Variants in HAUS6 observed in about 807,000 individuals in gnomAD.
HAUS6 encodes HAUS augmin like complex subunit 6.
A neutral mutation model predicts 106.8 loss-of-function variants in HAUS6; 80 were observed. The observed-to-expected ratio is 0.75, with a 90% CI of 0.63 to 0.90. The LOEUF is 0.90. Among genes scored for constraint, HAUS6 ranks in the 40% least tolerant of loss-of-function variants. HAUS6 has a pLI of 0.00. For synonymous variants in HAUS6, 356 were observed against 379.1 expected (o/e 0.94, Z 0.71); for missense variants, 1,155 against 1,118.1 (o/e 1.03, Z -0.47).
Position 19,102,669 on chromosome 9 carries a change from T to C in HAUS6, c.-18A>G, listed in dbSNP as rs1395907471. 12 of 1,607,070 alleles carry C rather than the reference T, an allele frequency of 7.5e-6. No homozygotes were observed. The highest frequency in any genetic ancestry group is 8.5e-6 in the Non-Finnish European group (10 of 1,176,684). ...GAGCTCATCCTCGCGGTAGGCACGG[T>C]GGCTGCAAAGAAAGAAAGCGCAAGC... is the stretch of plus-strand genomic sequence containing the variant. On this transcript the variant is annotated 5_prime_UTR_variant, in exon 1 of 17. Coordinates refer to ENST00000380502, the MANE Select transcript of HAUS6 (RefSeq NM_017645.5).
intron 5 of HAUS6, among the ~76,000 whole-genome samples, 181 bp downstream of exon 5, chr9:19,089,231 A>G (rs1817693804): frequency 6.6e-6 from 1 of 151,982 alleles, no homozygotes; most frequent in Non-Finnish European, 1.5e-5. Flanking sequence ...AGCCTGGGTG[A>G]CAGAACCAGA....
chr9:19,093,123 T>A (rs1817790374), intron 4 of HAUS6, 48 bp downstream of exon 4: 2 of 1,283,488 alleles, frequency 1.6e-6, no homozygotes. Flanking sequence ...TAAAGAACAA[T>A]AAAAATTTAA....
intron 12 of HAUS6, among the ~76,000 whole-genome samples, chr9:19,065,460 G>A (rs1028462432): frequency 1.3e-5 from 2 of 152,144 alleles, no homozygotes; most frequent in African/African-American, 4.8e-5. Context: ...GTGTTACAAA[G>A]CTATTATCAA....
Position 19,058,879 on chromosome 9 carries a change from T to A in HAUS6, c.1888A>T (p.Asn630Tyr). 3 of 1,611,640 alleles carry A rather than the reference T, an allele frequency of 1.9e-6. No individual in the cohort carries two copies. The South Asian group carries it at 3.3e-5, about 18-fold the overall frequency. ...VLPESLPVLH[N>Y]QREFSMADFL... Reference sequence around the variant, plus strand: ...TCAGCCATGCTAAATTCTCTTTGATTGTGCAACACAGGTAATGATTCTGGC... The same window carrying A: ...TCAGCCATGCTAAATTCTCTTTGATAGTGCAACACAGGTAATGATTCTGGC... The change falls in exon 16 of 17, where the codon AAT (asparagine) becomes TAT (tyrosine). Residue 630 changes from asparagine to tyrosine, a missense_variant. Physicochemically the swap from Asn to Tyr is moderately radical, Grantham distance 143. Coordinates refer to ENST00000380502, the MANE Select transcript of HAUS6 (RefSeq NM_017645.5).
Position 19,058,681 on chromosome 9 carries a change from C to A in HAUS6, c.2086G>T (p.Asp696Tyr), listed in dbSNP as rs763219876. 6.2e-7 allele frequency: 1 copy of A among 1,612,636 alleles called. No individual in the cohort carries two copies. The highest frequency in any genetic ancestry group is 1.1e-5 in the South Asian group (1 of 91,054). The change falls in exon 16 of 17, where the codon GAT becomes TAT. Residue 696 changes from aspartate (D) to tyrosine (Y), a missense_variant. Transcript: ENST00000380502. ...LLNKKVICKQ[D>Y]LECLAFTKLS... The stretch of plus-strand genomic sequence containing the variant: ...TTGGTGAAGGCTAAACATTCCAAAT[C>A]TTGCTTGCAAATTACTTTCTTATTT...
intron 1 of HAUS6, among the ~76,000 whole-genome samples, chr9:19,102,093 CCTTA>C (rs1367915668): frequency 2.0e-5 from 3 of 152,122 alleles, no homozygotes; most frequent in Non-Finnish European, 2.9e-5. Flanking sequence ...CTCCAACATG[CCTTA>C]CTAATTAAAA....
intron 4 of HAUS6, among the ~76,000 whole-genome samples, chr9:19,091,147 A>G (rs1452443082): frequency 2.0e-5 from 3 of 151,992 alleles, no homozygotes; most frequent in Admixed American, 1.3e-4. Context: ...AAAAATACAA[A>G]AAAATTAGCA....
chr9:19,078,749 T>C (rs1837067747), intron 9 of HAUS6, among the ~76,000 whole-genome samples: 1 of 150,920 alleles, frequency 6.6e-6, no homozygotes, highest in South Asian at 2.1e-4. Flanking sequence ...GATCGTGCCA[T>C]TGCACTCCAT....
intron 13 of HAUS6, 30 bp downstream of exon 13, chr9:19,063,484 G>C: frequency 8.9e-7 from 1 of 1,121,040 alleles, no homozygotes; most frequent in South Asian, 1.3e-5. Flanking sequence ...GTATGGTCCA[G>C]AATTAATTGA....
At position 19,098,732 on chromosome 9, in the gene HAUS6, A is replaced by AG. The variant is rs1817917770; in HGVS notation, c.129-1964_129-1963insC. Among the ~76,000 whole-genome samples the AG allele has an allele frequency of 7.3e-5, 11 of 151,516 alleles. No homozygotes were observed. The South Asian group carries it at 2.3e-3, about 32-fold the overall frequency. On this transcript the variant is annotated intron_variant, in intron 1 of 16. Coordinates refer to ENST00000380502, the MANE Select transcript of HAUS6 (RefSeq NM_017645.5). ...GTCATACATTATGTTTAACATTTAAAAAAAGTGGAGCCGGGCCCGGTGGCT... is the reference window on the plus strand; with the variant it reads ...GTCATACATTATGTTTAACATTTAAAGAAAAGTGGAGCCGGGCCCGGTGGCT...
At position 19,058,856 on chromosome 9, in the gene HAUS6, A is replaced by C. The variant is rs1456882118; in HGVS notation, c.1911T>G (p.Ala637=). 1.2e-6 allele frequency: 2 copies of C among 1,613,864 alleles called. No individual in the cohort carries two copies. The highest frequency in any genetic ancestry group is 2.7e-5 in the African/African-American group (2 of 74,940). Residue 637 remains alanine (A), a synonymous_variant, in exon 16 of 17, where the codon GCT becomes GCG. Transcript: ENST00000380502. ...ATACAGTGGTTTCTAAGAGAAAATC[A>C]GCCATGCTAAATTCTCTTTGATTGT... is the stretch of plus-strand genomic sequence containing the variant. The part of the protein sequence containing the change: ...VLHNQREFSM[A]DFLLETTVSD...
Position 19,073,794 on chromosome 9 carries a change from T to A in HAUS6, c.1294+2808A>T, listed in dbSNP as rs1836928797. The A allele has an allele frequency of 2.0e-5, 3 of 152,148 alleles. No individual in the cohort carries two copies. In the South Asian group the frequency reaches 6.2e-4, roughly 32 times the overall value. The allele number at this position is 152,148 out of a possible 1,614,324, so 9.4% of individuals were successfully genotyped here. A position where few individuals can be genotyped will look rare whatever the true frequency, so the allele number is the denominator to read the frequency against. Reference sequence around the variant, plus strand: ...AGGATGCTCTATCTGAAGCTCCCCCTCATTTATCAAACAATGCAGCCTTTT... The same window carrying A: ...AGGATGCTCTATCTGAAGCTCCCCCACATTTATCAAACAATGCAGCCTTTT... On this transcript the variant is annotated intron_variant, in intron 11 of 16. Transcript: ENST00000380502.
chr9:19,083,743 A>T (rs561929816), intron 7 of HAUS6, among the ~76,000 whole-genome samples: 1 of 151,596 alleles, frequency 6.6e-6, no homozygotes, highest in African/African-American at 2.4e-5. Flanking sequence ...CGGAGCTTGC[A>T]GTAAGCCAAG....
At chr9:19,075,729 G>T (rs1285611624) in intron 11 of HAUS6, among the ~76,000 whole-genome samples, 1 of 151,148 alleles carries the variant, frequency 6.6e-6, no homozygotes, top group Non-Finnish European at 1.5e-5. Context: ...CAAGGCGGGC[G>T]GATCATTCGA....
Position 19,063,557 on chromosome 9 carries a change from G to T in HAUS6, c.1400C>A (p.Ser467Ter). The T allele has an allele frequency of 6.2e-7, 1 of 1,607,146 alleles. No homozygotes were observed. Among genetic ancestry groups the T allele is most frequent in the Non-Finnish European group, 8.5e-7 (1 of 1,173,672 alleles). Residue 467 changes from serine to a stop codon, truncating the protein, a stop_gained, in exon 13 of 17, where the codon TCA (serine) becomes TAA (stop). Coordinates refer to ENST00000380502, the MANE Select transcript of HAUS6 (RefSeq NM_017645.5). LOFTEE classifies it high-confidence loss of function. ...ACTGTTTCTATCTGATGATGAAACT[G>T]ACTGCGACAAGAAAGAGGCAGGGCT... The part of the protein sequence containing the change: ...ANSPASFLSQ[S>*]VSSSDRNSVT...
chr9:19,083,312 T>G (rs1420673657), intron 7 of HAUS6, among the ~76,000 whole-genome samples: 3 of 152,080 alleles, frequency 2.0e-5, no homozygotes, highest in African/African-American at 7.2e-5. Flanking sequence ...CTTACTATGT[T>G]GCCCAGGCCA....
rs577732152 is a variant in HAUS6 at position 19,102,706 on chromosome 9, G to C, written c.-55C>G. 661 of 1,570,826 alleles carry C rather than the reference G, an allele frequency of 4.2e-4. 3 individuals are homozygous for C. The African/African-American group carries it at 8.3e-3, about 20-fold the overall frequency. On this transcript the variant is annotated 5_prime_UTR_variant, in exon 1 of 17. Coordinates refer to ENST00000380502, the MANE Select transcript of HAUS6 (RefSeq NM_017645.5). ...AAGAAAGCGCAAGCCCAGGGGACTC[G>C]GAGGGCCCTCAAGATCCCTCCCTAC... is the stretch of plus-strand genomic sequence containing the variant.
chr9:19,078,351 A>C, intron 9 of HAUS6, 49 bp from the exon 10 acceptor site: 1 of 1,115,936 alleles, frequency 9.0e-7, no homozygotes, highest in South Asian at 1.4e-5. Flanking sequence ...CAAAAAAAGC[A>C]CTGAGTAAAA....
At chr9:19,088,415 CA>C (rs11392937) in intron 5 of HAUS6, among the ~76,000 whole-genome samples, 131 of 91,322 alleles carry the variant, frequency 1.4e-3, no homozygotes, top group South Asian at 5.1e-3. Context: ...GACTCCGTCT[CA>C]AAAAAAAAAA....
Sources: gnomAD v4.1 joint callset for allele counts (sites outside exome capture counted in the v4.1 genomes callset) on GRCh38, gnomAD v4.1.1 for gene constraint, MANE v1.5 for transcripts, NCBI Gene and HGNC (gene_info 2026-07-23, HGNC 2026-07-21) for gene names.